DRICH1: variants seen among roughly 807,000 people sequenced by gnomAD.
The protein encoded by DRICH1 is aspartate-rich protein 1.
A neutral mutation model predicts 39.5 loss-of-function variants in DRICH1; 38 were observed. That is an observed-to-expected ratio of 0.96 (90% CI 0.74 to 1.26). DRICH1 has a LOEUF of 1.26. DRICH1 is among the 50% of genes most tolerant of loss of function. The pLI, the probability that DRICH1 is intolerant of heterozygous loss-of-function variation, is 0.00. For synonymous variants in DRICH1, 84 were observed against 99.5 expected, an observed-to-expected ratio of 0.84 and a Z score of 0.93; for missense variants, 279 against 270.4, an observed-to-expected ratio of 1.03 and a Z score of -0.22.
rs1404913059 is a variant in DRICH1 at position 23,624,761 on chromosome 22, C to T, written c.298+122G>A. On this transcript the variant is annotated intron_variant, in intron 3 of 11. Transcript: ENST00000317749. ...TCCTCTCTGCTCATAATTATACACT[C>T]GCAGAATCATTTGCTCTCACCAGAC... 11 of 1,193,494 alleles carry T rather than the reference C, an allele frequency of 9.2e-6. No homozygotes were observed. In the East Asian group the frequency reaches 1.2e-4, roughly 13 times the overall value. 73.9% of individuals were successfully genotyped at this position (1,193,494 alleles called of 1,614,324 possible).
intron 5 of DRICH1, among the ~76,000 whole-genome samples, chr22:23,619,927 A>G (rs1390060355): frequency 6.6e-6 from 1 of 151,146 alleles, no homozygotes; most frequent in Non-Finnish European, 1.5e-5. Flanking sequence ...ATCTGGGCAC[A>G]CCACAGAATT....
intron 6 of DRICH1, among the ~76,000 whole-genome samples, chr22:23,618,481 A>G (rs1042358352): frequency 6.6e-6 from 1 of 152,168 alleles, no homozygotes; most frequent in African/African-American, 2.4e-5. Context: ...AATTAAAAAT[A>G]GTCATGATTT....
chr22:23,604,779 G>A (rs1436427229), downstream of DRICH1, among the ~76,000 whole-genome samples: 1 of 152,236 alleles, frequency 6.6e-6, no homozygotes, highest in Non-Finnish European at 1.5e-5. Context: ...CATCAGCTCA[G>A]GGGACAGGGA....
rs200068782 is a variant in DRICH1 at position 23,613,308 on chromosome 22, A to G, written c.666T>C (p.Ser222=). 1 of 1,613,512 alleles carries G rather than the reference A, an allele frequency of 6.2e-7. No individual in the cohort carries two copies. Among genetic ancestry groups the G allele is most frequent in the Non-Finnish European group, 8.5e-7 (1 of 1,179,644 alleles). The change falls in exon 11 of 12, where the codon AGT becomes AGC. Residue 222 remains serine, a synonymous_variant. Coordinates refer to ENST00000317749, the MANE Select transcript of DRICH1 (RefSeq NM_016449.4). The part of the protein sequence containing the change: ...IESDLTLESL[S]DEEIHPG ...CCCTACCTGGATGAATCTCTTCATC[A>G]CTTAGACTCTCCAGCGTCAAGTCTT...
intron 3 of DRICH1, among the ~76,000 whole-genome samples, chr22:23,622,676 ACC>A (rs1927825215): frequency 3.5e-5 from 3 of 86,530 alleles, no homozygotes; most frequent in African/African-American, 1.3e-4. Flanking sequence ...TTTCATAGAG[ACC>A]ATTTAAAAAA....
chr22:23,586,985 G>C, the DRICH1 span, among the ~76,000 whole-genome samples: 1 of 152,238 alleles, frequency 6.6e-6, no homozygotes, highest in East Asian at 1.9e-4. Context: ...TTTTCCATCT[G>C]TTTACTTTCA....
At chr22:23,599,547 T>G in the DRICH1 span, among the ~76,000 whole-genome samples, 1 of 152,172 alleles carries the variant, frequency 6.6e-6, no homozygotes, top group Non-Finnish European at 1.5e-5. Flanking sequence ...GCACGTGGTA[T>G]GGCAGACAGG....
At chr22:23,616,032 G>T (rs1569089736) in intron 8 of DRICH1, among the ~76,000 whole-genome samples, 1 of 152,296 alleles carries the variant, frequency 6.6e-6, no homozygotes, top group East Asian at 1.9e-4. Context: ...TGTGCAGTGA[G>T]CCCAGAGTGT....
chr22:23,607,498 C>A (rs1240086233), downstream of DRICH1, among the ~76,000 whole-genome samples: 1 of 151,484 alleles, frequency 6.6e-6, no homozygotes, highest in Non-Finnish European at 1.5e-5. Context: ...CCCCCAGAGT[C>A]CCTGCCTTGG....
At chr22:23,624,552 C>G (rs973540409) in intron 3 of DRICH1, among the ~76,000 whole-genome samples, 1 of 152,100 alleles carries the variant, frequency 6.6e-6, no homozygotes, top group Non-Finnish European at 1.5e-5. Flanking sequence ...AGTATTGTTA[C>G]CTACCTGAAA....
At chr22:23,629,429 C>A (rs1280984144) in intron 1 of DRICH1, among the ~76,000 whole-genome samples, 1 of 150,380 alleles carries the variant, frequency 6.6e-6, no homozygotes, top group African/African-American at 2.5e-5. Context: ...GACAGTCCAT[C>A]ATGGGGATCA....
At chr22:23,595,337 G>A in the DRICH1 span, among the ~76,000 whole-genome samples, 1 of 149,652 alleles carries the variant, frequency 6.7e-6, no homozygotes, top group African/African-American at 2.5e-5. Context: ...TGTGAGGAGT[G>A]CAGCTCTAAG....
chr22:23,625,033 A>G, intron 2 of DRICH1, 129 bp from the exon 3 acceptor site: 2 of 1,053,136 alleles, frequency 1.9e-6, no homozygotes, highest in Non-Finnish European at 2.8e-6. Flanking sequence ...CATGTCAAAG[A>G]CAAAACACTT....
At chr22:23,621,941 G>T (rs1406455713) in intron 4 of DRICH1, 150 bp downstream of exon 4, 3 of 773,242 alleles carry the variant, frequency 3.9e-6, no homozygotes, top group African/African-American at 1.8e-5. Flanking sequence ...AAAAAGAAAA[G>T]AAAAGAAAAA....
intron 1 of DRICH1, among the ~76,000 whole-genome samples, chr22:23,631,459 C>CA (rs1228825946): frequency 1.3e-5 from 2 of 151,594 alleles, no homozygotes; most frequent in Non-Finnish European, 2.9e-5. Flanking sequence ...ATAAAATTTA[C>CA]AAAAAATAAG....
intron 2 of DRICH1, among the ~76,000 whole-genome samples, chr22:23,625,490 T>C (rs1262322674): frequency 6.6e-6 from 1 of 152,094 alleles, no homozygotes; most frequent in African/African-American, 2.4e-5. Flanking sequence ...TCCTCCCCAC[T>C]TAGTTGCCCT....
At chr22:23,601,692 G>A in the DRICH1 span, among the ~76,000 whole-genome samples, 21 of 151,992 alleles carry the variant, frequency 1.4e-4, no homozygotes, top group African/African-American at 3.6e-4. Context: ...AGGTGCTACC[G>A]TTGAGGGAAC....
At chr22:23,621,211 C>T (rs745956278) in intron 4 of DRICH1, among the ~76,000 whole-genome samples, 2 of 151,904 alleles carry the variant, frequency 1.3e-5, no homozygotes, top group African/African-American at 4.8e-5. Flanking sequence ...GCTTGTTGGG[C>T]CCCCTCTCCT....
At chr22:23,584,632 T>C in the DRICH1 span, among the ~76,000 whole-genome samples, 63 of 152,346 alleles carry the variant, frequency 4.1e-4, 2 homozygotes, top group Admixed American at 3.9e-3. Context: ...GATGATGATG[T>C]ACCTACCATT....
Sources: gnomAD v4.1 joint callset for allele counts (sites outside exome capture counted in the v4.1 genomes callset) on GRCh38, gnomAD v4.1.1 for gene constraint, MANE v1.5 for transcripts, NCBI Gene and HGNC (gene_info 2026-07-23, HGNC 2026-07-21) for gene names.